MAP3K20: variants seen among roughly 807,000 people sequenced by gnomAD.
The protein encoded by MAP3K20 is HCCS-4.
MAP3K20 carries 40 observed loss-of-function variants against 85.7 expected under a neutral mutation model. The observed-to-expected ratio is 0.47, with a 90% CI of 0.36 to 0.61. MAP3K20 has a LOEUF of 0.61. Among genes scored for constraint, MAP3K20 ranks in the 20% least tolerant of loss-of-function variants. MAP3K20 has a pLI of 0.00. For synonymous variants in MAP3K20, 325 were observed against 327.7 expected (o/e 0.99, Z 0.09); for missense variants, 817 against 961.7 (o/e 0.85, Z 1.99).
At chr2:173,175,083 T>C (rs1690115030) in intron 3 of MAP3K20, among the ~76,000 whole-genome samples, 1 of 152,180 alleles carries the variant, frequency 6.6e-6, no homozygotes, top group Non-Finnish European at 1.5e-5. Context: ...TTGTTGCCCC[T>C]CCCTACTTCC....
chr2:173,076,998 T>C (rs1407125921), intron 1 of MAP3K20, among the ~76,000 whole-genome samples: 1 of 152,248 alleles, frequency 6.6e-6, no homozygotes, highest in Non-Finnish European at 1.5e-5. Context: ...AGATCGCGCA[T>C]AAGTACTGTT....
In MAP3K20 at chr2:173,158,694, G is replaced by A. The variant is rs182570060; in HGVS notation, c.160-11111G>A. On this transcript the variant is annotated intron_variant, in intron 2 of 19. Transcript: ENST00000375213. ...GAATGATCATTGATTATAAAGGAAG[G>A]AGAAAGATGTCAGAGAAAGGACTTA... Among the ~76,000 whole-genome samples, 8 of 152,346 alleles carry A rather than the reference G, an allele frequency of 5.3e-5. No individual in the cohort carries two copies. The East Asian group carries it at 1.5e-3, about 29-fold the overall frequency.
At chr2:173,223,625 C>T (rs1684309973) in intron 11 of MAP3K20, 30 of 985,230 alleles carry the variant, frequency 3.0e-5, no homozygotes, top group Non-Finnish European at 3.6e-5. Flanking sequence ...TTTTCTGTTG[C>T]TCTTTGAAAA....
At chr2:173,143,349 A>C (rs1689032983) in intron 2 of MAP3K20, among the ~76,000 whole-genome samples, 1 of 152,220 alleles carries the variant, frequency 6.6e-6, no homozygotes, top group Non-Finnish European at 1.5e-5. Flanking sequence ...ATGAAGCAAA[A>C]CTGATAGAAC....
intron 2 of MAP3K20, chr2:173,166,368 T>G (rs1689822573): frequency 6.6e-6 from 1 of 152,250 alleles, no homozygotes; most frequent in African/African-American, 2.4e-5. Context: ...ACCTTTTGTT[T>G]ATTGTGAATA....
At chr2:173,213,749 T>C (rs1055353150) in intron 10 of MAP3K20, among the ~76,000 whole-genome samples, 2 of 152,270 alleles carry the variant, frequency 1.3e-5, no homozygotes, top group African/African-American at 4.8e-5. Flanking sequence ...TTGTGCTGTC[T>C]TCTCATTAGC....
chr2:173,099,338 T>TTG (rs1687562663), intron 2 of MAP3K20, among the ~76,000 whole-genome samples: 1 of 150,864 alleles, frequency 6.6e-6, no homozygotes, highest in African/African-American at 2.4e-5. Context: ...TTGTTTTGTT[T>TTG]TTTTTTTTTG....
chr2:173,147,389 TG>T (rs1689165757), intron 2 of MAP3K20, among the ~76,000 whole-genome samples: 1 of 152,252 alleles, frequency 6.6e-6, no homozygotes, highest in Non-Finnish European at 1.5e-5. Context: ...TTTATTTTTT[TG>T]TATGTAGATA....
chr2:173,094,738 C>T (rs1687410871), intron 2 of MAP3K20, among the ~76,000 whole-genome samples: 1 of 152,078 alleles, frequency 6.6e-6, no homozygotes, highest in Admixed American at 6.5e-5. Flanking sequence ...GGTTGTGTGT[C>T]CTTGGTGTGT....
At chr2:173,131,117 C>T (rs1419693372) in intron 2 of MAP3K20, among the ~76,000 whole-genome samples, 2 of 152,174 alleles carry the variant, frequency 1.3e-5, no homozygotes, top group African/African-American at 4.8e-5. Flanking sequence ...ATCGCAGCAA[C>T]AGAGGCAGCC....
chr2:173,124,789 C>T (rs1283263754), intron 2 of MAP3K20, among the ~76,000 whole-genome samples: 2 of 152,340 alleles, frequency 1.3e-5, no homozygotes, highest in Middle Eastern at 3.4e-3. Flanking sequence ...GCTCCTTCCT[C>T]TGCTACGACC....
intron 7 of MAP3K20, among the ~76,000 whole-genome samples, chr2:173,192,580 A>G (rs1352824593): frequency 6.6e-6 from 1 of 152,172 alleles, no homozygotes; most frequent in Non-Finnish European, 1.5e-5. Context: ...ACTATAAGCT[A>G]TTACAGTGAT....
intron 17 of MAP3K20, among the ~76,000 whole-genome samples, chr2:173,259,047 A>AT (rs935004116): frequency 5.3e-5 from 8 of 151,722 alleles, no homozygotes; most frequent in East Asian, 1.9e-4. Context: ...GTATCGTTTA[A>AT]TTTTTTTTTA....
intron 1 of MAP3K20, among the ~76,000 whole-genome samples, chr2:173,077,324 C>CAAGG (rs1686891837): frequency 6.8e-6 from 1 of 147,734 alleles, no homozygotes; most frequent in Admixed American, 6.9e-5. Flanking sequence ...TAGTTAATGT[C>CAAGG]CTCTTTGTAG....
chr2:173,219,472 G>C (rs1684170960), intron 11 of MAP3K20, among the ~76,000 whole-genome samples: 1 of 152,092 alleles, frequency 6.6e-6, no homozygotes, highest in Non-Finnish European at 1.5e-5. Flanking sequence ...CATTTATAGA[G>C]ATCTTTAGAG....
At position 173,266,800 on chromosome 2, in the gene MAP3K20, A is replaced by G. The variant is rs1558920098; in HGVS notation, c.*50A>G. ...AAGCAGGTTAAAAAAAAAAAAAAAAAGAAATGTAATGGTTTTTGATAATAT... is the reference window on the plus strand; with the variant it reads ...AAGCAGGTTAAAAAAAAAAAAAAAAGGAAATGTAATGGTTTTTGATAATAT... On this transcript the variant is annotated 3_prime_UTR_variant, in exon 20 of 20. Transcript: ENST00000375213. The G allele has an allele frequency of 7.4e-7, 1 of 1,348,158 alleles. No individual in the cohort carries two copies. The highest frequency in any genetic ancestry group is 9.8e-7 in the Non-Finnish European group (1 of 1,024,624). The allele number at this position is 1,348,158 out of a possible 1,614,324, so 83.5% of individuals were successfully genotyped here. A position where few individuals can be genotyped will look rare whatever the true frequency, so the allele number is the denominator to read the frequency against.
intron 11 of MAP3K20, among the ~76,000 whole-genome samples, chr2:173,228,497 C>T (rs537406615): frequency 4.0e-4 from 61 of 152,216 alleles, no homozygotes; most frequent in African/African-American, 1.4e-3. Context: ...GAACTCTATA[C>T]CAGAGAACTT....
At chr2:173,160,712 C>T (rs1312705542) in intron 2 of MAP3K20, among the ~76,000 whole-genome samples, 1 of 152,154 alleles carries the variant, frequency 6.6e-6, no homozygotes. Flanking sequence ...AATAATTTCT[C>T]CTTGCGTTCA....
At chr2:173,111,581 A>G (rs1358397039) in intron 2 of MAP3K20, among the ~76,000 whole-genome samples, 1 of 152,192 alleles carries the variant, frequency 6.6e-6, no homozygotes, top group Non-Finnish European at 1.5e-5. Context: ...TCCTTAATCC[A>G]TGTTCAGTTG....
Sources: allele counts gnomAD v4.1 joint callset (sites outside exome capture counted in the v4.1 genomes callset), GRCh38; gene constraint gnomAD v4.1.1; transcripts MANE v1.5; gene names NCBI Gene and HGNC (gene_info 2026-07-23, HGNC 2026-07-21).